VTI1A: variants seen among roughly 807,000 people sequenced by gnomAD.
VTI1A encodes vesicle transport through interaction with t-SNAREs homolog 1A.
VTI1A carries 22 observed loss-of-function variants against 34.9 expected under a neutral mutation model. The observed-to-expected ratio is 0.63, with a 90% CI of 0.45 to 0.90. The LOEUF (loss-of-function observed/expected upper bound fraction) is 0.90. VTI1A is among the 40% of genes least tolerant of loss of function. The pLI is 0.00. For missense variants in VTI1A, 268 were observed against 275.6 expected (o/e 0.97, Z 0.20); for synonymous variants, 87 against 97.3 (o/e 0.89, Z 0.62).
rs144209477 is a variant in VTI1A at position 112,580,751 on chromosome 10, G to A, written c.427+42421G>A. 8.1e-4 allele frequency among the ~76,000 whole-genome samples: 123 copies of A among 152,222 alleles called. 1 individual carries two copies. The East Asian group carries it at 0.022, about 27-fold the overall frequency. On this transcript the variant is annotated intron_variant, in intron 5 of 7. Transcript: ENST00000393077. ...CAGGGTGACAGATAGGAGGAAAAGG[G>A]GGGCATCAGGTGATTGACATTTCAC...
At chr10:112,594,102 G>A (rs1006227159) in intron 5 of VTI1A, among the ~76,000 whole-genome samples, 2 of 151,986 alleles carry the variant, frequency 1.3e-5, no homozygotes, top group African/African-American at 4.8e-5. Flanking sequence ...TAGTAGAGTC[G>A]GGGTTTCACT....
intron 5 of VTI1A, among the ~76,000 whole-genome samples, chr10:112,553,921 A>T (rs1324151383): frequency 6.6e-6 from 1 of 152,194 alleles, no homozygotes; most frequent in Non-Finnish European, 1.5e-5. Flanking sequence ...TGCCTACTTC[A>T]CTGCCTCATA....
the VTI1A span, among the ~76,000 whole-genome samples, chr10:112,849,194 G>A: frequency 6.6e-6 from 1 of 152,212 alleles, no homozygotes; most frequent in Non-Finnish European, 1.5e-5. Flanking sequence ...AAGGAACCAA[G>A]GAAGAACAAA....
chr10:112,619,144 T>G (rs1845635720), intron 5 of VTI1A, among the ~76,000 whole-genome samples: 1 of 151,882 alleles, frequency 6.6e-6, no homozygotes, highest in Admixed American at 6.6e-5. Context: ...CATGTTGAAG[T>G]AAACTAGCAG....
Position 112,552,465 on chromosome 10 carries a change from T to G in VTI1A, c.427+14135T>G, listed in dbSNP as rs149222825. Among the ~76,000 whole-genome samples the G allele has an allele frequency of 4.6e-5, 7 of 152,322 alleles. No homozygotes were observed. In the East Asian group the frequency reaches 1.3e-3, roughly 29 times the overall value. ...ACCAACCAACAAACAAAATCTGTCC[T>G]AAGAAGGCTACACAAATTTAAGAGA... On this transcript the variant is annotated intron_variant, in intron 5 of 7. Coordinates refer to ENST00000393077, the MANE Select transcript of VTI1A (RefSeq NM_145206.4).
chr10:112,532,368 A>C (rs1850478408), intron 4 of VTI1A, among the ~76,000 whole-genome samples: 1 of 152,226 alleles, frequency 6.6e-6, no homozygotes, highest in African/African-American at 2.4e-5. Context: ...GGATGTTTAA[A>C]AATTATCAGT....
chr10:112,828,195 TG>T, the VTI1A span, among the ~76,000 whole-genome samples: 1 of 152,020 alleles, frequency 6.6e-6, no homozygotes. Flanking sequence ...AAATATTGCT[TG>T]GGGGGTTGTT....
chr10:112,668,850 C>T, intron 6 of VTI1A, 87 bp from the exon 7 acceptor site: 1 of 1,364,780 alleles, frequency 7.3e-7, no homozygotes, highest in East Asian at 2.3e-5. Context: ...TTTGGATTTT[C>T]TATCATGAAA....
intron 5 of VTI1A, among the ~76,000 whole-genome samples, chr10:112,624,829 G>GCCCTA (rs1416299636): frequency 6.6e-6 from 1 of 152,200 alleles, no homozygotes; most frequent in African/African-American, 2.4e-5. Context: ...GGGCATGGTA[G>GCCCTA]CGCAGGCCTG....
intron 5 of VTI1A, among the ~76,000 whole-genome samples, chr10:112,593,156 G>A (rs1406519043): frequency 1.3e-5 from 2 of 152,220 alleles, no homozygotes; most frequent in Non-Finnish European, 2.9e-5. Flanking sequence ...GGTTAGACCA[G>A]TAGTTTTCAA....
At chr10:112,549,877 A>G (rs1851282247) in intron 5 of VTI1A, among the ~76,000 whole-genome samples, 1 of 152,180 alleles carries the variant, frequency 6.6e-6, no homozygotes, top group Non-Finnish European at 1.5e-5. Context: ...TCTTTTCTGA[A>G]AAGAATTGAG....
Position 112,636,728 on chromosome 10 carries a change from C to CAAAA in VTI1A, c.428-31475_428-31472dup, listed in dbSNP as rs10667914. Among the ~76,000 whole-genome samples the CAAAA allele has an allele frequency of 2.0e-4, 22 of 111,620 alleles. 1 individual carries two copies. The highest frequency in any genetic ancestry group is 4.1e-4 in the African/African-American group (11 of 26,954). The allele number at this position is 111,620 out of a possible 152,430, so 73.2% of individuals were successfully genotyped here. On this transcript the variant is annotated intron_variant, in intron 5 of 7. Transcript: ENST00000393077. ...TGGGTGCCAGAGCAAGACTCGATCT[C>CAAAA]AAAAAAAAAAAAAAAAAACTTCAAG...
At chr10:112,569,558 G>A (rs892688339) in intron 5 of VTI1A, among the ~76,000 whole-genome samples, 2 of 152,208 alleles carry the variant, frequency 1.3e-5, no homozygotes, top group African/African-American at 4.8e-5. Context: ...CCTCAACATG[G>A]AGCCAACTGC....
At chr10:112,623,286 A>C (rs1845797018) in intron 5 of VTI1A, among the ~76,000 whole-genome samples, 1 of 152,342 alleles carries the variant, frequency 6.6e-6, no homozygotes, top group East Asian at 1.9e-4. Flanking sequence ...TTGTAAATCC[A>C]GCAGGAAAGA....
At chr10:112,766,089 G>A (rs1178064302) in intron 7 of VTI1A, among the ~76,000 whole-genome samples, 1 of 152,220 alleles carries the variant, frequency 6.6e-6, no homozygotes, top group Admixed American at 6.5e-5. Context: ...GGAGAAGCAA[G>A]AGAAAGGAGA....
At chr10:112,578,192 T>C (rs562831796) in intron 5 of VTI1A, among the ~76,000 whole-genome samples, 20 of 151,968 alleles carry the variant, frequency 1.3e-4, no homozygotes, top group Non-Finnish European at 8.8e-5. Context: ...CAGCAGGTCA[T>C]AGAAGAAATA....
chr10:112,689,331 G>A (rs775568614), intron 7 of VTI1A, among the ~76,000 whole-genome samples: 1 of 152,104 alleles, frequency 6.6e-6, no homozygotes, highest in Non-Finnish European at 1.5e-5. Flanking sequence ...ACAGTCATGT[G>A]CACCTACCTG....
chr10:112,501,349 T>C (rs1432000096), intron 3 of VTI1A, among the ~76,000 whole-genome samples: 1 of 151,930 alleles, frequency 6.6e-6, no homozygotes, highest in Non-Finnish European at 1.5e-5. Context: ...ACATTTTCAG[T>C]TTTATAAGTG....
intron 5 of VTI1A, among the ~76,000 whole-genome samples, chr10:112,540,973 A>G (rs939645513): frequency 6.6e-6 from 1 of 152,214 alleles, no homozygotes; most frequent in African/African-American, 2.4e-5. Flanking sequence ...TCACCAGTGC[A>G]CTGCAAAATG....
Sources: allele counts gnomAD v4.1 joint callset (sites outside exome capture counted in the v4.1 genomes callset), GRCh38; gene constraint gnomAD v4.1.1; transcripts MANE v1.5; gene names NCBI Gene and HGNC (gene_info 2026-07-23, HGNC 2026-07-21).